The following DISC1 variants were observed in gnomAD, a reference collection of about 807,000 sequenced individuals.
DISC1 encodes the protein DISC1 scaffold protein.
DISC1 carries 57 observed loss-of-function variants against 84.5 expected under a neutral mutation model. The observed-to-expected ratio is 0.67, with a 90% confidence interval of 0.55 to 0.84. DISC1 has a LOEUF of 0.84. DISC1 is among the 40% of genes least tolerant of loss of function. The pLI, the probability that DISC1 is intolerant of heterozygous loss-of-function variation, is 0.00. For missense variants in DISC1, 1,000 were observed against 1,057.8 expected (o/e 0.95, Z 0.76); for synonymous variants, 411 against 415.2 (o/e 0.99, Z 0.12).
At chr1:231,708,579 A>G (rs1331908528) in intron 3 of DISC1, among the ~76,000 whole-genome samples, 1 of 152,190 alleles carries the variant, frequency 6.6e-6, no homozygotes, top group African/African-American at 2.4e-5. Context: ...TTGCCTGATT[A>G]CATCACGTGA....
At position 231,694,846 on chromosome 1, in the gene DISC1, A is replaced by G. The variant is rs776080308; in HGVS notation, c.1047+41A>G. On this transcript the variant is annotated intron_variant, in intron 2 of 12. Transcript: ENST00000439617. ...ACCTCTGTGGCCCGAGATTGTCGTG[A>G]GCTCAGATTAGCACTGGGCAGACGG... 3.7e-6 allele frequency: 6 copies of G among 1,603,828 alleles called. No individual in the cohort carries two copies. In the East Asian group the frequency reaches 9.0e-5, roughly 24 times the overall value.
At position 231,694,222 on chromosome 1, in the gene DISC1, C is replaced by A. The variant is rs2065377804; in HGVS notation, c.464C>A (p.Thr155Asn). 6 of 1,614,218 alleles carry A rather than the reference C, an allele frequency of 3.7e-6. No individual in the cohort carries two copies. Among genetic ancestry groups the A allele is most frequent in the South Asian group, 1.1e-5 (1 of 91,088 alleles). Residue 155 changes from threonine (T) to asparagine (N), a missense_variant, in exon 2 of 13, where the codon ACC becomes AAC. This residue lies in a region of DISC1 where 292 missense variants were observed against 280.2 expected (regional missense o/e 1.04). Transcript: ENST00000439617. ...TTTGCAGCCATGGATAGTTCTGAGA[C>A]CCTGGACGCCAGCTGGGAGGCAGCC... ...QEFAAMDSSE[T>N]LDASWEAACS... is the part of the protein sequence containing the mutation.
At chr1:231,911,434 T>G (rs2089195354) in intron 9 of DISC1, among the ~76,000 whole-genome samples, 1 of 152,192 alleles carries the variant, frequency 6.6e-6, no homozygotes, top group Non-Finnish European at 1.5e-5. Context: ...TTTGCTTATG[T>G]AGCTTAGTTT....
At chr1:231,655,068 C>G (rs1019197061) in intron 1 of DISC1, among the ~76,000 whole-genome samples, 2 of 152,156 alleles carry the variant, frequency 1.3e-5, no homozygotes, top group African/African-American at 4.8e-5. Flanking sequence ...GGACTCTATT[C>G]CCTTTCATTT....
At chr1:231,921,388 G>T in intron 9 of DISC1, among the ~76,000 whole-genome samples, 1 of 152,230 alleles carries the variant, frequency 6.6e-6, no homozygotes, top group South Asian at 2.1e-4. Context: ...GCTTCAATTT[G>T]TTCTCAGTTT....
In DISC1 at chr1:232,037,927, G is replaced by C. The variant is rs1040048534; in HGVS notation, c.*1096G>C. On this transcript the variant is annotated 3_prime_UTR_variant, in exon 13 of 13. Coordinates refer to ENST00000439617, the MANE Select transcript of DISC1 (RefSeq NM_018662.3). ...TCAGTGCGGTACTCAGTAACACAGT[G>C]CAGTACTCAGTAACAGTGCAGTACT... The C allele has an allele frequency of 6.6e-6, 1 of 150,980 alleles. No homozygotes were observed. Among genetic ancestry groups the C allele is most frequent in the African/African-American group, 2.4e-5 (1 of 40,824 alleles). The allele number at this position is 150,980 out of a possible 1,614,324, so 9.4% of individuals were successfully genotyped here.
intron 10 of DISC1, among the ~76,000 whole-genome samples, chr1:231,959,993 G>T (rs1660157002): frequency 6.6e-6 from 1 of 152,148 alleles, no homozygotes. Flanking sequence ...AGGTTATCAG[G>T]CAGCCAGTGG....
intron 9 of DISC1, among the ~76,000 whole-genome samples, chr1:231,833,667 T>G (rs771866245): frequency 6.6e-5 from 10 of 152,176 alleles, no homozygotes; most frequent in Non-Finnish European, 1.5e-4. Context: ...TTTCTGGCAC[T>G]TGTAGCAAGC....
chr1:231,641,640 A>T (rs945697560), intron 1 of DISC1, among the ~76,000 whole-genome samples: 1 of 152,166 alleles, frequency 6.6e-6, no homozygotes, highest in African/African-American at 2.4e-5. Flanking sequence ...GGCCCCACCC[A>T]CATCCTGCTG....
At chr1:231,705,147 G>A (rs2066902371) in intron 3 of DISC1, among the ~76,000 whole-genome samples, 1 of 151,334 alleles carries the variant, frequency 6.6e-6, no homozygotes, top group Admixed American at 6.6e-5. Flanking sequence ...AATTAGCCGG[G>A]CATGGTAACA....
chr1:231,989,406 T>C (rs1664885883), intron 10 of DISC1, among the ~76,000 whole-genome samples: 1 of 152,224 alleles, frequency 6.6e-6, no homozygotes, highest in Non-Finnish European at 1.5e-5. Context: ...AAGAAATCTG[T>C]TCACTTACTG....
At chr1:231,628,697 T>G (rs78382430) in intron 1 of DISC1, among the ~76,000 whole-genome samples, 360 of 152,304 alleles carry the variant, frequency 2.4e-3, no homozygotes, top group African/African-American at 8.3e-3. Flanking sequence ...ACTGAACTTA[T>G]AGAGTGGAGC....
chr1:231,669,919 T>C (rs2062425495), intron 1 of DISC1, among the ~76,000 whole-genome samples: 2 of 152,078 alleles, frequency 1.3e-5, no homozygotes, highest in African/African-American at 4.8e-5. Flanking sequence ...GACACATGCA[T>C]GTGTATGTTC....
chr1:231,806,042 A>T (rs1200830442), intron 8 of DISC1, among the ~76,000 whole-genome samples: 1 of 152,236 alleles, frequency 6.6e-6, no homozygotes, highest in African/African-American at 2.4e-5. Context: ...AATGGAGCTA[A>T]TAATAATATT....
At chr1:231,728,343 GCA>G (rs1321588040) in intron 3 of DISC1, among the ~76,000 whole-genome samples, 4 of 152,178 alleles carry the variant, frequency 2.6e-5, no homozygotes, top group African/African-American at 9.7e-5. Flanking sequence ...GCCTTTTACA[GCA>G]CACAGTGCGG....
intron 9 of DISC1, among the ~76,000 whole-genome samples, chr1:231,948,995 G>A (rs1657820707): frequency 6.6e-6 from 1 of 150,766 alleles, no homozygotes; most frequent in Admixed American, 6.6e-5. Context: ...TCAGCCTTCT[G>A]AGTAGCTGGC....
chr1:231,687,837 C>A (rs953244), intron 1 of DISC1, among the ~76,000 whole-genome samples: 58,633 of 151,920 alleles, frequency 0.39, 11,864 homozygotes, highest in African/African-American at 0.51. Flanking sequence ...GAAGGTGAAA[C>A]AGTTCTTCAG....
chr1:231,886,965 G>T (rs1169341932), intron 9 of DISC1, among the ~76,000 whole-genome samples: 2 of 150,370 alleles, frequency 1.3e-5, no homozygotes, highest in African/African-American at 4.9e-5. Context: ...GAGTTCAAGC[G>T]ATTCTCCTGC....
intron 9 of DISC1, among the ~76,000 whole-genome samples, chr1:231,853,558 T>A (rs12140495): frequency 0.17 from 26,555 of 152,256 alleles, 2,436 homozygotes; most frequent in Middle Eastern, 0.3. Flanking sequence ...CATGGTCTAT[T>A]GCTGATTAAA....
Sources: allele counts gnomAD v4.1 joint callset (sites outside exome capture counted in the v4.1 genomes callset), GRCh38; gene constraint gnomAD v4.1.1; regional missense constraint gnomAD v4.1.1; transcripts MANE v1.5; gene names NCBI Gene and HGNC (gene_info 2026-07-23, HGNC 2026-07-21).